The following E2F8 variants were observed in gnomAD, a reference collection of about 807,000 sequenced individuals.
E2F8 encodes transcription factor E2F8.
In E2F8, 35 loss-of-function variants were observed where a neutral mutation model predicts 80.8. That is an observed-to-expected ratio of 0.43 (90% CI 0.33 to 0.57). E2F8 has a LOEUF of 0.57. Among genes scored for constraint, E2F8 ranks in the 20% least tolerant of loss-of-function variants. E2F8 has a pLI of 0.04. For synonymous variants in E2F8, 386 were observed against 395.0 expected (o/e 0.98, Z 0.27); for missense variants, 975 against 1,056.2 (o/e 0.92, Z 1.07).
chr11:19,229,827 G>T lies in E2F8; in HGVS notation c.1520C>A (p.Ala507Glu), dbSNP rs145509272. ...GGCCTGAGGTAGGATCAGGGGCACT[G>T]CTGATGACAAGGGGCTGGGGATCAG... ...VPLIPSPLSSAVPLILPQAPS... is the reference protein window; with the variant it reads ...VPLIPSPLSSEVPLILPQAPS... Residue 507 changes from alanine (A) to glutamate (E), a missense_variant, in exon 10 of 13, where the codon GCA becomes GAA. Transcript: ENST00000250024. This position sits in a 1 kb window ranked among gnomAD's most constrained non-coding sequence, Gnocchi z 4.3. The T allele has an allele frequency of 3.5e-5, 57 of 1,613,770 alleles. No individual in the cohort carries two copies. The African/African-American group carries it at 6.4e-4, about 18-fold the overall frequency.
At chr11:19,238,273 ACTG>A in intron 2 of E2F8, 141 bp from the exon 3 acceptor site, 1 of 813,846 alleles carries the variant, frequency 1.2e-6, no homozygotes. Flanking sequence ...GAAATTAATA[ACTG>A]TATTCTAATG....
At position 19,232,384 on chromosome 11, in the gene E2F8, G is replaced by GTA; in HGVS notation, c.929-15_929-14dup. 2 of 1,604,968 alleles carry GTA rather than the reference G, an allele frequency of 1.2e-6. No homozygotes were observed. The highest frequency in any genetic ancestry group is 1.7e-6 in the Non-Finnish European group (2 of 1,174,834). ...CTCCTAATTTTTGCTGGGAAAAAAA[G>GTA]TATATATACCACTTAATGGAATAAT... On this transcript the variant is annotated splice_polypyrimidine_tract_variant and intron_variant, in intron 6 of 12. Transcript: ENST00000250024.
In E2F8 at chr11:19,229,677, T is replaced by G; in HGVS notation, c.1670A>C (p.Asp557Ala). 6.2e-7 allele frequency: 1 copy of G among 1,613,776 alleles called. No homozygotes were observed. Among genetic ancestry groups the G allele is most frequent in the Non-Finnish European group, 8.5e-7 (1 of 1,179,956 alleles). ...THSSKATGSK[D>A]STDATTEKAA... ...CTTCTCAGTGGTGGCATCTGTGGAG[T>G]CTTTTGAGCCAGTAGCTTTAGAAGA... Residue 557 changes from aspartate (D) to alanine (A), a missense_variant, in exon 10 of 13, where the codon GAC (aspartate) becomes GCC (alanine). Asp to Ala is a moderately radical substitution (Grantham distance 126). Transcript: ENST00000250024. This position sits in a 1 kb window ranked among gnomAD's most constrained non-coding sequence, Gnocchi z 4.3.
intron 7 of E2F8, 24 bp from the exon 8 acceptor site, chr11:19,230,858 T>C: frequency 6.2e-7 from 1 of 1,611,164 alleles, no homozygotes; most frequent in Non-Finnish European, 8.5e-7. Flanking sequence ...CGTCTGTGTA[T>C]TAAAACCTGG....
At chr11:19,236,217 T>G (rs1452633065) in intron 4 of E2F8, among the ~76,000 whole-genome samples, 1 of 152,226 alleles carries the variant, frequency 6.6e-6, no homozygotes, top group Non-Finnish European at 1.5e-5. Flanking sequence ...CCTGATGTCC[T>G]TACAGCTCCC....
rs1459042307 is a variant in E2F8 at position 19,224,846 on chromosome 11, T to A, written c.2422-6A>T. 1 of 1,613,902 alleles carries A rather than the reference T, an allele frequency of 6.2e-7. No individual in the cohort carries two copies. The highest frequency in any genetic ancestry group is 8.5e-7 in the Non-Finnish European group (1 of 1,179,994). On this transcript the variant is annotated splice_polypyrimidine_tract_variant and splice_region_variant and intron_variant, in intron 12 of 12. Coordinates refer to ENST00000250024, the MANE Select transcript of E2F8 (RefSeq NM_024680.4). The stretch of plus-strand genomic sequence containing the variant: ...TTGGGTGTCACAGGAACAGGCTGAT[T>A]GGAAAGAGAAGAATGGACAAAAGAA...
At chr11:19,232,090 C>T in intron 7 of E2F8, 144 bp downstream of exon 7, 12 of 1,184,480 alleles carry the variant, frequency 1.0e-5, no homozygotes, top group Non-Finnish European at 1.4e-5. Context: ...GAAAATCAAA[C>T]ACTGCATGTT....
chr11:19,228,218 T>C (rs1030593267), intron 10 of E2F8, among the ~76,000 whole-genome samples: 7 of 152,200 alleles, frequency 4.6e-5, no homozygotes, highest in African/African-American at 1.7e-4. Context: ...ATCATACCCA[T>C]TGGCCAAAAG....
chr11:19,239,421 A>C (rs1051249702), intron 2 of E2F8, among the ~76,000 whole-genome samples: 10 of 152,184 alleles, frequency 6.6e-5, no homozygotes, highest in Non-Finnish European at 1.2e-4. Context: ...TTATTTGACT[A>C]ACATCTAAAA....
chr11:19,225,745 G>T lies in E2F8; in HGVS notation c.2013C>A (p.Ser671Arg). The stretch of plus-strand genomic sequence containing the variant: ...ATGTGCACTCACCTGCAATTGGGGA[G>T]CTGTAAATCCTGTGGTTTGGGGAAA... ...SALSPNHRIY[S>R]SPIAGVIPVT... The change falls in exon 11 of 13, where the codon AGC becomes AGA. Residue 671 changes from serine (S) to arginine (R), a missense_variant. Coordinates refer to ENST00000250024, the MANE Select transcript of E2F8 (RefSeq NM_024680.4). The T allele has an allele frequency of 6.2e-7, 1 of 1,614,226 alleles. No individual in the cohort carries two copies. The highest frequency in any genetic ancestry group is 8.5e-7 in the Non-Finnish European group (1 of 1,180,036).
chr11:19,233,268 T>A (rs778899150), intron 6 of E2F8, among the ~76,000 whole-genome samples: 2 of 152,170 alleles, frequency 1.3e-5, no homozygotes, highest in African/African-American at 4.8e-5. Flanking sequence ...AGCTCTTTTG[T>A]TAGGAATCCA....
intron 7 of E2F8, 53 bp from the exon 8 acceptor site, chr11:19,230,887 G>A: frequency 6.4e-6 from 10 of 1,552,002 alleles, no homozygotes; most frequent in Non-Finnish European, 8.8e-6. Context: ...GTTGGCTTTT[G>A]GGATATGAAA....
At chr11:19,234,145 TA>T (rs967973962) in intron 6 of E2F8, among the ~76,000 whole-genome samples, 84 of 92,552 alleles carry the variant, frequency 9.1e-4, no homozygotes, top group Admixed American at 1.9e-3. Flanking sequence ...AGACTCCGTC[TA>T]AAAAAAAAAA....
In E2F8 at chr11:19,229,103, C is replaced by T. The variant is rs1213844169; in HGVS notation, c.1893+351G>A. Among the ~76,000 whole-genome samples the T allele has an allele frequency of 6.6e-6, 1 of 152,162 alleles. No individual in the cohort carries two copies. The highest frequency in any genetic ancestry group is 1.5e-5 in the Non-Finnish European group (1 of 68,034). On this transcript the variant is annotated intron_variant, in intron 10 of 12. Coordinates refer to ENST00000250024, the MANE Select transcript of E2F8 (RefSeq NM_024680.4). This position sits in a 1 kb window ranked among gnomAD's most constrained non-coding sequence, Gnocchi z 4.3. ...ACTCAGAAAGCAGGAGTTACAGGAA[C>T]CCTATGCATCCACACGTTCATTTGG...
At position 19,229,918 on chromosome 11, in the gene E2F8, G is replaced by A; in HGVS notation, c.1429C>T (p.Pro477Ser). Residue 477 changes from proline to serine, a missense_variant, in exon 10 of 13, where the codon CCC becomes TCC. Pro to Ser is a moderately conservative substitution (Grantham distance 74). Transcript: ENST00000250024. The surrounding 1 kb of genome is among the most constrained non-coding windows in gnomAD (Gnocchi z 4.3). ...AGCTCCATCTCAGCATTCACTGGGG[G>A]GTCCAGAGGGGCTACTGGTTTGCAG... ...GPCKPVAPLDPPVNAEMELTA... is the reference protein window; with the variant it reads ...GPCKPVAPLDSPVNAEMELTA... The A allele has an allele frequency of 6.2e-7, 1 of 1,614,060 alleles. No individual in the cohort carries two copies. Among genetic ancestry groups the A allele is most frequent in the Non-Finnish European group, 8.5e-7 (1 of 1,180,004 alleles).
In E2F8 at chr11:19,240,880, C is replaced by A. The variant is rs1288768565; in HGVS notation, c.-442G>T. The A allele has an allele frequency of 1.3e-5, 2 of 152,296 alleles. No homozygotes were observed. The highest frequency in any genetic ancestry group is 2.9e-5 in the Non-Finnish European group (2 of 68,106). 9.4% of individuals were successfully genotyped at this position (152,296 alleles called of 1,614,324 possible). On this transcript the variant is annotated 5_prime_UTR_variant, in exon 1 of 13. Transcript: ENST00000250024. ...GTTCACACCACGGCGTTAGACTCCA[C>A]CTTGGAAGGCTGTATTTGCCCAATA...
intron 2 of E2F8, among the ~76,000 whole-genome samples, chr11:19,239,161 C>T (rs1373155910): frequency 6.6e-6 from 1 of 152,200 alleles, no homozygotes; most frequent in Admixed American, 6.5e-5. Context: ...TTGGGTTTAT[C>T]AAGTGCATTT....
Position 19,232,521 on chromosome 11 carries a change from A to G in E2F8, c.929-150T>C, listed in dbSNP as rs72906006. On this transcript the variant is annotated intron_variant, in intron 6 of 12. Transcript: ENST00000250024. ...TGCCTCCTTTTAAGTTCTTCTGGTG[A>G]TACAACTTTAATTAAGATAAAAAAG... 5.7e-3 allele frequency: 3,490 copies of G among 610,010 alleles called. 15 individuals carry two copies. Among genetic ancestry groups the G allele is most frequent in the Non-Finnish European group, 7.8e-3 (2,945 of 375,518 alleles). 37.8% of individuals were successfully genotyped at this position (610,010 alleles called of 1,614,324 possible). A position where few individuals can be genotyped will look rare whatever the true frequency, so the allele number is the denominator to read the frequency against.
intron 4 of E2F8, among the ~76,000 whole-genome samples, chr11:19,237,081 C>G (rs1851537628): frequency 6.6e-6 from 1 of 152,240 alleles, no homozygotes; most frequent in South Asian, 2.1e-4. Context: ...TCAGAGACAA[C>G]TGTAGTCAGA....
Sources: allele counts gnomAD v4.1 joint callset (sites outside exome capture counted in the v4.1 genomes callset), GRCh38; gene constraint gnomAD v4.1.1; non-coding constraint Gnocchi (gnomAD v3.1); transcripts MANE v1.5; gene names NCBI Gene and HGNC (gene_info 2026-07-23, HGNC 2026-07-21).